Variants in GLB1L observed in about 807,000 individuals in gnomAD.
GLB1L encodes the protein galactosidase beta 1 like.
GLB1L carries 58 observed loss-of-function variants against 75.7 expected under a neutral mutation model. That is an observed-to-expected ratio of 0.77 (90% CI 0.62 to 0.95). GLB1L has a LOEUF of 0.95. GLB1L is among the 40% of genes least tolerant of loss of function. The pLI is 0.00. For missense variants in GLB1L, 797 were observed against 805.5 expected, an observed-to-expected ratio of 0.99 and a Z score of 0.13; for synonymous variants, 296 against 303.0, an observed-to-expected ratio of 0.98 and a Z score of 0.24.
In GLB1L at chr2:219,239,838, G is replaced by T. The variant is rs771439705; in HGVS notation, c.722-5C>A. 1 of 1,614,032 alleles carries T rather than the reference G, an allele frequency of 6.2e-7. No homozygotes were observed. The highest frequency in any genetic ancestry group is 1.1e-5 in the South Asian group (1 of 91,090). On this transcript the variant is annotated splice_region_variant and splice_polypyrimidine_tract_variant and intron_variant, in intron 7 of 16. Coordinates refer to ENST00000295759, the MANE Select transcript of GLB1L (RefSeq NM_001286423.2). ...AGATTTTGGTCATGTTGTCAGCTGC[G>T]GAAAGGAGGCAAAAGAAAAAGATAA...
chr2:219,243,611 A>G lies in GLB1L; in HGVS notation c.-38T>C. On this transcript the variant is annotated 5_prime_UTR_variant, in exon 2 of 17. Coordinates refer to ENST00000295759, the MANE Select transcript of GLB1L (RefSeq NM_001286423.2). ...GCTCCTCTAGTCTGAGACGGCGGAC[A>G]GACCGTCACGTGTCGGATTCCTGGG... The G allele has an allele frequency of 6.2e-7, 1 of 1,602,064 alleles. No individual in the cohort carries two copies. Among genetic ancestry groups the G allele is most frequent in the South Asian group, 1.1e-5 (1 of 90,780 alleles).
Position 219,237,647 on chromosome 2 carries a change from C to G in GLB1L, c.1554G>C (p.Val518=), listed in dbSNP as rs200606315. 34 of 1,614,206 alleles carry G rather than the reference C, an allele frequency of 2.1e-5. No individual in the cohort carries two copies. The East Asian group carries it at 7.4e-4, about 35-fold the overall frequency. The stretch of plus-strand genomic sequence containing the variant: ...GCAACTGGAGGGGAAACCACCACTT[C>G]ACAAGGTTATCAATTTTCAGAGGGA... ...MMFPLKIDNL[V]KWWFPLQLPK... Residue 518 remains valine (V), a synonymous_variant, in exon 16 of 17, where the codon GTG becomes GTC. Transcript: ENST00000295759.
In GLB1L at chr2:219,242,523, AG is replaced by A. The variant is rs1346610693; in HGVS notation, c.441del (p.Ser148GlnfsTer51). The A allele has an allele frequency of 1.2e-6, 2 of 1,612,444 alleles. No individual in the cohort carries two copies. The highest frequency in any genetic ancestry group is 1.7e-6 in the Non-Finnish European group (2 of 1,178,680). The stretch of plus-strand genomic sequence containing the variant: ...CTTTGTCTCAACTCACCTGGATCTG[AG>A]GTTCTTAGATGAATTTCAGGTTTTC... The part of the protein sequence containing the change: ...LLRKPEIHLR[T>X]SDPDFLAAVD... On this transcript the variant is annotated frameshift_variant, in exon 5 of 17. Coordinates refer to ENST00000295759, the MANE Select transcript of GLB1L (RefSeq NM_001286423.2). LOFTEE classifies it high-confidence loss of function.
chr2:219,237,254 G>A lies in GLB1L; in HGVS notation c.1783C>T (p.Pro595Ser), dbSNP rs753960401. 3 of 1,614,180 alleles carry A rather than the reference G, an allele frequency of 1.9e-6. No homozygotes were observed. Among genetic ancestry groups the A allele is most frequent in the South Asian group, 1.1e-5 (1 of 91,084 alleles). The change falls in exon 17 of 17, where the codon CCT becomes TCT. Residue 595 changes from proline to serine, a missense_variant. Coordinates refer to ENST00000295759, the MANE Select transcript of GLB1L (RefSeq NM_001286423.2). ...GTAATTTTGTTGAGGGCTCCCCTAGGAAACAGCAGGAATCTTGGCACGTAG... is the reference window on the plus strand; with the variant it reads ...GTAATTTTGTTGAGGGCTCCCCTAGAAAACAGCAGGAATCTTGGCACGTAG... ...TLYVPRFLLF[P>S]RGALNKITLL... is the part of the protein sequence containing the mutation.
Position 219,240,260 on chromosome 2 carries a change from C to G in GLB1L, c.477G>C (p.Trp159Cys). Residue 159 changes from tryptophan to cysteine, a missense_variant, in exon 6 of 17, where the codon TGG becomes TGC. Transcript: ENST00000295759. Reference sequence around the variant, plus strand: ...ATATCTTGGGCAGCAAGACCTTGAACCAGGAGTCCACTGCGGCAAGGAAGT... The same window carrying G: ...ATATCTTGGGCAGCAAGACCTTGAAGCAGGAGTCCACTGCGGCAAGGAAGT... ...DPDFLAAVDSWFKVLLPKIYP... is the reference protein window; with the variant it reads ...DPDFLAAVDSCFKVLLPKIYP... The G allele has an allele frequency of 6.2e-7, 1 of 1,614,174 alleles. No individual in the cohort carries two copies. The highest frequency in any genetic ancestry group is 8.5e-7 in the Non-Finnish European group (1 of 1,179,994).
Position 219,237,528 on chromosome 2 carries a change from A to G in GLB1L, c.1673T>C (p.Leu558Pro), listed in dbSNP as rs574090998. ...TACCAATACCTTGGTCCATCCAGGT[A>G]GATATAGAAATGTGTCCCCAACTGA... ...LGSVGDTFLY[L>P]PGWTKGQVWI... Residue 558 changes from leucine (L) to proline (P), a missense_variant, in exon 16 of 17, where the codon CTA becomes CCA. Leu to Pro is a moderately conservative substitution (Grantham distance 98). Transcript: ENST00000295759. 6.2e-7 allele frequency: 1 copy of G among 1,614,048 alleles called. No individual in the cohort carries two copies. Among genetic ancestry groups the G allele is most frequent in the South Asian group, 1.1e-5 (1 of 91,086 alleles).
intron 16 of GLB1L, 74 bp from the exon 17 acceptor site, chr2:219,237,421 G>C: frequency 1.3e-6 from 2 of 1,598,188 alleles, no homozygotes; most frequent in East Asian, 4.5e-5. Flanking sequence ...ACCCTTTTGG[G>C]TTTCTAATCA....
Position 219,238,582 on chromosome 2 carries a change from A to G in GLB1L, c.1140T>C (p.Val380=), listed in dbSNP as rs1387877353. Residue 380 remains valine (V), a splice_region_variant and synonymous_variant, in exon 13 of 17, where the codon GTT becomes GTC. Coordinates refer to ENST00000295759, the MANE Select transcript of GLB1L (RefSeq NM_001286423.2). ...AGTCTAGGAAAGCCAGTAAATGCCCAACCTATTAGAATAAGGGAGAAGAAT... is the reference window on the plus strand; with the variant it reads ...AGTCTAGGAAAGCCAGTAAATGCCCGACCTATTAGAATAAGGGAGAAGAAT... The part of the protein sequence containing the change: ...MMLGPVTLHL[V]GHLLAFLDLL... 1.6e-5 allele frequency: 26 copies of G among 1,613,052 alleles called. No homozygotes were observed. Among genetic ancestry groups the G allele is most frequent in the Non-Finnish European group, 2.2e-5 (26 of 1,179,050 alleles).
rs1367778601 is a variant in GLB1L, at chr2:219,243,264, T to A, written c.123A>T (p.Leu41=). 6.2e-7 allele frequency: 1 copy of A among 1,613,472 alleles called. No individual in the cohort carries two copies. Among genetic ancestry groups the A allele is most frequent in the East Asian group, 2.2e-5 (1 of 44,852 alleles). Residue 41 remains leucine (L), a synonymous_variant, in exon 3 of 17, where the codon CTA becomes CTT. Coordinates refer to ENST00000295759, the MANE Select transcript of GLB1L (RefSeq NM_001286423.2). ...VVDRGHDRFL[L]DGAPFRYVSG... is the part of the protein sequence containing the mutation. ...ACACATAGCGGAACGGGGCCCCGTCTAGGAGAAACCGGTCATGACCCCTAT... is the reference window on the plus strand; with the variant it reads ...ACACATAGCGGAACGGGGCCCCGTCAAGGAGAAACCGGTCATGACCCCTAT...
chr2:219,238,901 A>C, intron 11 of GLB1L, 122 bp from the exon 12 acceptor site: 1 of 923,036 alleles, frequency 1.1e-6, no homozygotes. Flanking sequence ...ATGGAGGCTC[A>C]ATAATTTTGC....
At chr2:219,243,435 TTCTC>T in intron 2 of GLB1L, 63 bp downstream of exon 2, 4 of 1,603,680 alleles carry the variant, frequency 2.5e-6, no homozygotes, top group East Asian at 2.2e-5. Flanking sequence ...ACTTTGGACT[TTCTC>T]TCATCCGCTG....
chr2:219,239,260 CACT>C, intron 10 of GLB1L, 50 bp from the exon 11 acceptor site: 3 of 1,519,502 alleles, frequency 2.0e-6, no homozygotes, highest in Non-Finnish European at 2.7e-6. Context: ...AGATGACAGG[CACT>C]ACTAAGCATG....
chr2:219,239,789 G>T lies in GLB1L; in HGVS notation c.766C>A (p.Pro256Thr), dbSNP rs370083958. Residue 256 changes from proline to threonine, a missense_variant, in exon 8 of 17, where the codon CCC becomes ACC. Physicochemically the swap from Pro to Thr is conservative, Grantham distance 38. Transcript: ENST00000295759. ...KIFTLLRKYE[P>T]HGPLVNSEYY... is the part of the protein sequence containing the mutation. ...TGGCCCCTCACCAATGGCCCATGGGGTTCATACTTCCGAAGCAGGGTAAAG... is the reference window on the plus strand; with the variant it reads ...TGGCCCCTCACCAATGGCCCATGGGTTTCATACTTCCGAAGCAGGGTAAAG... 37 of 1,614,060 alleles carry T rather than the reference G, an allele frequency of 2.3e-5. No individual in the cohort carries two copies. The highest frequency in any genetic ancestry group is 3.1e-5 in the Non-Finnish European group (36 of 1,180,054).
rs933278936 is a variant in GLB1L at position 219,245,361 on chromosome 2, G to C, written c.-203C>G. ...AACCCTCACCAGGGTCCTGGGACCC[G>C]TCCACCCCTACACCTAGCTAGCCCG... On this transcript the variant is annotated 5_prime_UTR_variant, in exon 1 of 17. Transcript: ENST00000295759. 1.3e-5 allele frequency: 2 copies of C among 152,344 alleles called. No homozygotes were observed. The highest frequency in any genetic ancestry group is 4.8e-5 in the African/African-American group (2 of 41,476). 9.4% of individuals were successfully genotyped at this position (152,344 alleles called of 1,614,324 possible).
rs142912134 is a variant in GLB1L at position 219,237,206 on chromosome 2, G to C, written c.1831C>G (p.Pro611Ala). 2.7e-5 allele frequency: 44 copies of C among 1,614,090 alleles called. No individual in the cohort carries two copies. In the African/African-American group the frequency reaches 4.7e-4, roughly 17 times the overall value. Residue 611 changes from proline to alanine, a missense_variant, in exon 17 of 17, where the codon CCT becomes GCT. By Grantham distance (27) the Pro-to-Ala change is conservative (BLOSUM62 -1). Transcript: ENST00000295759. ...KITLLELEDV[P>A]LQPQVQFLDK... The stretch of plus-strand genomic sequence containing the variant: ...AAAAATTGGACTTGGGGCTGGAGAG[G>C]TACATCTTCTAGTTCCAGCAATGTA...
rs373940102 is a variant in GLB1L at position 219,239,347 on chromosome 2, T to C, written c.943+64A>G. On this transcript the variant is annotated intron_variant, in intron 10 of 16. Transcript: ENST00000295759. Reference sequence around the variant, plus strand: ...CAGCTTCTAGACATCCTAATCCACCTGGCCCTTAGATTCTAATTCCTTGTT... The same window carrying C: ...CAGCTTCTAGACATCCTAATCCACCCGGCCCTTAGATTCTAATTCCTTGTT... 5.0e-5 allele frequency: 77 copies of C among 1,528,892 alleles called. No homozygotes were observed. The African/African-American group carries it at 9.2e-4, about 18-fold the overall frequency. 94.7% of individuals were successfully genotyped at this position (1,528,892 alleles called of 1,614,324 possible). A position where few individuals can be genotyped will look rare whatever the true frequency, so the allele number is the denominator to read the frequency against.
At chr2:219,238,844 T>C in intron 11 of GLB1L, 65 bp from the exon 12 acceptor site, 2 of 1,398,620 alleles carry the variant, frequency 1.4e-6, no homozygotes, top group East Asian at 2.3e-5. Flanking sequence ...TCCAAGACTC[T>C]AGGGCAGAGT....
At chr2:219,239,247 T>G (rs752018394) in intron 10 of GLB1L, 37 bp from the exon 11 acceptor site, 6 of 1,558,486 alleles carry the variant, frequency 3.8e-6, no homozygotes, top group Non-Finnish European at 5.3e-6. Context: ...CAACATGTAT[T>G]TCAGATGACA....
chr2:219,238,317 A>G lies in GLB1L; in HGVS notation c.1274T>C (p.Phe425Ser). The part of the protein sequence containing the change: ...LYRTYMTHTI[F>S]EPTPFWVPNN... ...TGGCACCCAGAATGGTGTTGGCTCA[A>G]AAATGGTATGGGTCATATAGGTTCG... The change falls in exon 14 of 17, where the codon TTT becomes TCT. Residue 425 changes from phenylalanine (F) to serine (S), a missense_variant. Phe to Ser is a radical substitution (Grantham distance 155, BLOSUM62 -2). Transcript: ENST00000295759. 6.2e-7 allele frequency: 1 copy of G among 1,613,138 alleles called. No homozygotes were observed. Among genetic ancestry groups the G allele is most frequent in the Non-Finnish European group, 8.5e-7 (1 of 1,179,412 alleles).
Sources: allele counts gnomAD v4.1 joint callset, GRCh38; gene constraint gnomAD v4.1.1; transcripts MANE v1.5; gene names NCBI Gene and HGNC (gene_info 2026-07-23, HGNC 2026-07-21).